MAP1LC3B2: variants seen among roughly 807,000 people sequenced by gnomAD.
MAP1LC3B2 encodes microtubule associated protein 1 light chain 3 beta 2, also known as microtubule-associated protein 1 light chain 3 beta 2.
For synonymous variants in MAP1LC3B2, 62 were observed against 57.8 expected, an observed-to-expected ratio of 1.07 and a Z score of -0.33; for missense variants, 155 against 154.6, an observed-to-expected ratio of 1.00 and a Z score of -0.01.
intron 1 of MAP1LC3B2, among the ~76,000 whole-genome samples, chr12:116,569,117 C>T (rs1869463969): frequency 6.6e-6 from 1 of 152,076 alleles, no homozygotes; most frequent in Non-Finnish European, 1.5e-5. Flanking sequence ...CCACCTCGGC[C>T]TCCCAAAGTA....
At chr12:116,561,721 G>A (rs558903458) in intron 1 of MAP1LC3B2, among the ~76,000 whole-genome samples, 1 of 152,286 alleles carries the variant, frequency 6.6e-6, no homozygotes, top group Non-Finnish European at 1.5e-5. Flanking sequence ...GTGTGGCCTG[G>A]GGTAAGGTAT....
intron 1 of MAP1LC3B2, among the ~76,000 whole-genome samples, chr12:116,562,950 C>A (rs11068075): frequency 0.21 from 32,313 of 152,062 alleles, 6,677 homozygotes; most frequent in African/African-American, 0.51. Context: ...TCAGCCCAAA[C>A]AAGAACTTTA....
At chr12:116,568,133 C>A (rs1869440477) in intron 1 of MAP1LC3B2, among the ~76,000 whole-genome samples, 1 of 152,200 alleles carries the variant, frequency 6.6e-6, no homozygotes, top group Admixed American at 6.5e-5. Context: ...TTTTTCCATT[C>A]TTTGTCGTCC....
chr12:116,575,414 A>G (rs1349267520), intron 1 of MAP1LC3B2, among the ~76,000 whole-genome samples: 3 of 152,186 alleles, frequency 2.0e-5, no homozygotes, highest in Non-Finnish European at 4.4e-5. Flanking sequence ...AATTGCTACA[A>G]AAGATATACA....
intron 1 of MAP1LC3B2, among the ~76,000 whole-genome samples, chr12:116,573,344 C>A (rs1192259724): frequency 1.3e-5 from 2 of 152,250 alleles, no homozygotes; most frequent in East Asian, 3.9e-4. Flanking sequence ...TTTTTCACAG[C>A]TGAGATTCTG....
At chr12:116,574,981 A>T (rs1319077907) in intron 1 of MAP1LC3B2, among the ~76,000 whole-genome samples, 1 of 151,804 alleles carries the variant, frequency 6.6e-6, no homozygotes, top group African/African-American at 2.4e-5. Context: ...GGAGTTCAAG[A>T]CCAGCCTGAC....
intron 1 of MAP1LC3B2, among the ~76,000 whole-genome samples, chr12:116,564,285 C>T (rs576339189): frequency 1.4e-4 from 21 of 152,170 alleles, no homozygotes; most frequent in African/African-American, 5.1e-4. Context: ...AGTAAGTTTT[C>T]ATTGGATGCT....
At chr12:116,568,560 G>A (rs1220394011) in intron 1 of MAP1LC3B2, among the ~76,000 whole-genome samples, 1 of 152,194 alleles carries the variant, frequency 6.6e-6, no homozygotes, top group African/African-American at 2.4e-5. Context: ...TGGTTTGAAT[G>A]TGTCCCCCAA....
At chr12:116,567,854 A>G (rs1265398756) in intron 1 of MAP1LC3B2, among the ~76,000 whole-genome samples, 4 of 152,112 alleles carry the variant, frequency 2.6e-5, no homozygotes, top group Non-Finnish European at 4.4e-5. Flanking sequence ...GGAATGACAG[A>G]CTCATTTTAT....
chr12:116,572,856 G>A (rs78407456), intron 1 of MAP1LC3B2, among the ~76,000 whole-genome samples: 5,662 of 152,302 alleles, frequency 0.037, 345 homozygotes, highest in African/African-American at 0.12. Flanking sequence ...GAGGCTGCTA[G>A]GGAGGGATGG....
intron 1 of MAP1LC3B2, among the ~76,000 whole-genome samples, chr12:116,568,393 C>A (rs1192391075): frequency 6.6e-6 from 1 of 152,234 alleles, no homozygotes; most frequent in East Asian, 1.9e-4. Context: ...TTATTTGCTC[C>A]TTCACTGGGT....
chr12:116,574,151 C>T (rs1158131961), intron 1 of MAP1LC3B2, among the ~76,000 whole-genome samples: 1 of 151,742 alleles, frequency 6.6e-6, no homozygotes, highest in East Asian at 1.9e-4. Flanking sequence ...TGGCCCAGGA[C>T]TCCTATTTCT....
chr12:116,563,932 A>T (rs1869328625), intron 1 of MAP1LC3B2, among the ~76,000 whole-genome samples: 2 of 152,176 alleles, frequency 1.3e-5, no homozygotes, highest in South Asian at 4.2e-4. Flanking sequence ...TTTTTAACAA[A>T]TGGGATCTTG....
chr12:116,560,135 A>C (rs1246861379), intron 1 of MAP1LC3B2: 1 of 142,860 alleles, frequency 7.0e-6, no homozygotes, highest in South Asian at 2.2e-4. Flanking sequence ...CGCTCTCCTG[A>C]TCTCTCTCCA....
intron 1 of MAP1LC3B2, among the ~76,000 whole-genome samples, chr12:116,567,972 A>T (rs752110236): frequency 6.6e-6 from 1 of 152,168 alleles, no homozygotes; most frequent in Non-Finnish European, 1.5e-5. Context: ...TGTGTTTCAG[A>T]TGCCCAGCAC....
rs556517947 is a variant in MAP1LC3B2, at chr12:116,575,645, C to G, written c.-101-197C>G. Reference sequence around the variant, plus strand: ...GTGCTTTTCAATAAAGCCAAGATTTCCCTTGAAAAACAGTCTTGACTCTTC... The same window carrying G: ...GTGCTTTTCAATAAAGCCAAGATTTGCCTTGAAAAACAGTCTTGACTCTTC... On this transcript the variant is annotated intron_variant, in intron 1 of 1. Coordinates refer to ENST00000556529, the MANE Select transcript of MAP1LC3B2 (RefSeq NM_001085481.3). Among the ~76,000 whole-genome samples, 19 of 152,240 alleles carry G rather than the reference C, an allele frequency of 1.2e-4. No individual in the cohort carries two copies. In the South Asian group the frequency reaches 3.9e-3, roughly 32 times the overall value.
chr12:116,571,434 A>AGAT (rs1158335470), intron 1 of MAP1LC3B2, among the ~76,000 whole-genome samples: 1 of 137,714 alleles, frequency 7.3e-6, no homozygotes, highest in Non-Finnish European at 1.5e-5. Flanking sequence ...TCGTGAGAAT[A>AGAT]GATGGGAGTA....
intron 1 of MAP1LC3B2, among the ~76,000 whole-genome samples, chr12:116,560,386 T>C (rs551818917): frequency 1.3e-5 from 2 of 151,796 alleles, no homozygotes; most frequent in South Asian, 4.2e-4. Flanking sequence ...CTAGCTGGGA[T>C]TACAGGTGCG....
intron 1 of MAP1LC3B2, among the ~76,000 whole-genome samples, chr12:116,566,661 G>A (rs565219896): frequency 1.8e-4 from 26 of 147,766 alleles, no homozygotes; most frequent in African/African-American, 5.7e-4. Flanking sequence ...GCCAGGTGTG[G>A]TCACTCATGT....
Sources: allele counts gnomAD v4.1 joint callset (sites outside exome capture counted in the v4.1 genomes callset), GRCh38; gene constraint gnomAD v4.1.1; transcripts MANE v1.5; gene names NCBI Gene and HGNC (gene_info 2026-07-23, HGNC 2026-07-21).